Variants in SPATA6L observed in about 807,000 individuals in gnomAD.
SPATA6L encodes spermatogenesis associated 6 like.
SPATA6L carries 68 observed loss-of-function variants against 49.2 expected under a neutral mutation model. The observed-to-expected ratio is 1.38, with a 90% confidence interval of 1.14 to 1.69. The LOEUF is 1.69. Ranked by LOEUF, SPATA6L falls within the 40% of genes most tolerant of loss-of-function variation. The pLI, the probability that SPATA6L is intolerant of heterozygous loss-of-function variation, is 0.00. For synonymous variants in SPATA6L, 198 were observed against 165.7 expected, an observed-to-expected ratio of 1.19 and a Z score of -1.50; for missense variants, 668 against 464.3, an observed-to-expected ratio of 1.44 and a Z score of -4.03.
chr9:4,594,294 C>T (rs1822095028), downstream of SPATA6L, among the ~76,000 whole-genome samples: 4 of 152,238 alleles, frequency 2.6e-5, no homozygotes, highest in Non-Finnish European at 5.9e-5. Flanking sequence ...ACTGCAAGCT[C>T]TGCCTCCCGG....
At chr9:4,602,336 G>C (rs866647079) in intron 11 of SPATA6L, among the ~76,000 whole-genome samples, 40 of 152,180 alleles carry the variant, frequency 2.6e-4, no homozygotes, top group Admixed American at 8.5e-4. Flanking sequence ...GGTAACCAGA[G>C]AGTAAATGGC....
chr9:4,589,150 T>C (rs1244473273), intron 13 of SPATA6L, among the ~76,000 whole-genome samples: 6 of 152,248 alleles, frequency 3.9e-5, no homozygotes, highest in Non-Finnish European at 8.8e-5. Context: ...TGGTTTCCTC[T>C]TCCATGAAAT....
chr9:4,644,477 T>A (rs10815051), intron 3 of SPATA6L, among the ~76,000 whole-genome samples: 127 of 151,948 alleles, frequency 8.4e-4, no homozygotes, highest in African/African-American at 3.0e-3. Context: ...TGTTCTTCTA[T>A]CTACAGAGAA....
intron 3 of SPATA6L, among the ~76,000 whole-genome samples, chr9:4,652,578 G>A (rs569439160): frequency 2.0e-4 from 31 of 151,962 alleles, no homozygotes; most frequent in African/African-American, 6.8e-4. Flanking sequence ...GGCTGGGTAC[G>A]GTGTCTCATA....
chr9:4,643,424 C>G (rs756042123), intron 3 of SPATA6L, among the ~76,000 whole-genome samples: 9 of 152,066 alleles, frequency 5.9e-5, no homozygotes, highest in Non-Finnish European at 1.2e-4. Flanking sequence ...CAGTTTACCC[C>G]AGTTTAAAAG....
At chr9:4,663,492 T>C (rs1156398042) in intron 1 of SPATA6L, 2 of 511,226 alleles carry the variant, frequency 3.9e-6, no homozygotes, top group Non-Finnish European at 7.1e-6. Flanking sequence ...CTCTATTGTA[T>C]ATTTATTCAA....
chr9:4,606,038 GA>G (rs1337790699), intron 9 of SPATA6L, among the ~76,000 whole-genome samples: 3 of 151,158 alleles, frequency 2.0e-5, no homozygotes, highest in Non-Finnish European at 4.4e-5. Context: ...CCGAGTCAAA[GA>G]AAGGGGTGAC....
At chr9:4,628,764 C>CTAAAT in intron 5 of SPATA6L, 1 of 192,344 alleles carries the variant, frequency 5.2e-6, no homozygotes, top group East Asian at 1.5e-4. Flanking sequence ...AAGATGGAAA[C>CTAAAT]TGTTGTTCAT....
At chr9:4,648,934 T>A (rs1836141637) in intron 3 of SPATA6L, among the ~76,000 whole-genome samples, 2 of 152,150 alleles carry the variant, frequency 1.3e-5, no homozygotes. Context: ...ATGTTTGATT[T>A]TCCATTCCTG....
At chr9:4,613,440 G>C (rs1050988178) in intron 9 of SPATA6L, among the ~76,000 whole-genome samples, 2 of 151,792 alleles carry the variant, frequency 1.3e-5, no homozygotes, top group Admixed American at 1.3e-4. Context: ...TGTCCCACTG[G>C]TTTTTCCAGG....
At position 4,600,477 on chromosome 9, in the gene SPATA6L, G is replaced by C. The variant is rs898126268; in HGVS notation, c.*334C>G. ...AATTAATTTGAGAGAGAGAGACAGA[G>C]AGAGCCAGAGAGAGCCAGAGAGAGA... On this transcript the variant is annotated 3_prime_UTR_variant, in exon 12 of 12. Transcript: ENST00000682582. 8 of 145,996 alleles carry C rather than the reference G, an allele frequency of 5.5e-5. No individual in the cohort carries two copies. Among genetic ancestry groups the C allele is most frequent in the Non-Finnish European group, 9.1e-5 (6 of 65,846 alleles). 9.0% of individuals were successfully genotyped at this position (145,996 alleles called of 1,614,324 possible).
In SPATA6L at chr9:4,599,853, T is replaced by A. The variant is rs1229761499; in HGVS notation, c.*958A>T. ...ACAAACATTCACACTATAGTAGGGCTGGTAGAGGAAAATGCTATGCTTACA... is the reference window on the plus strand; with the variant it reads ...ACAAACATTCACACTATAGTAGGGCAGGTAGAGGAAAATGCTATGCTTACA... On this transcript the variant is annotated 3_prime_UTR_variant, in exon 12 of 12. Coordinates refer to ENST00000682582, the MANE Select transcript of SPATA6L (RefSeq NM_001353486.2). Among the ~76,000 whole-genome samples the A allele has an allele frequency of 1.3e-5, 2 of 152,210 alleles. No homozygotes were observed. The highest frequency in any genetic ancestry group is 3.8e-4 in the East Asian group (2 of 5,196).
downstream of SPATA6L, chr9:4,596,433 A>G (rs1822264855): frequency 6.6e-6 from 1 of 152,182 alleles, no homozygotes; most frequent in Non-Finnish European, 1.5e-5. Flanking sequence ...AATAACACCT[A>G]CTGCCACTGC....
Position 4,625,360 on chromosome 9 carries a change from A to G in SPATA6L, c.636T>C (p.Ser212=). 1 of 1,614,018 alleles carries G rather than the reference A, an allele frequency of 6.2e-7. No individual in the cohort carries two copies. Among genetic ancestry groups the G allele is most frequent in the Non-Finnish European group, 8.5e-7 (1 of 1,179,964 alleles). The stretch of plus-strand genomic sequence containing the variant: ...CAACAAATGGAGGCTTGCTTCCTCC[A>G]GAGATTTTGAAATTATTTCCAAGGT... ...QLNLGNNFKI[S]GGSKPPFVVR... The change falls in exon 6 of 12, where the codon TCT becomes TCC. Residue 212 remains serine, a synonymous_variant. Transcript: ENST00000682582.
intron 9 of SPATA6L, among the ~76,000 whole-genome samples, chr9:4,613,134 A>G (rs1365123238): frequency 6.6e-6 from 1 of 152,024 alleles, no homozygotes; most frequent in Non-Finnish European, 1.5e-5. Flanking sequence ...AGGCTGAGGC[A>G]TGAAAATTGC....
rs753737519 is a variant in SPATA6L at position 4,666,202 on chromosome 9, G to C, written c.39+10C>G. The C allele has an allele frequency of 6.2e-7, 1 of 1,614,022 alleles. No individual in the cohort carries two copies. Among genetic ancestry groups the C allele is most frequent in the South Asian group, 1.1e-5 (1 of 91,058 alleles). ...TGAGGTTAAGGAGGGGGAGTTCATC[G>C]ATCTCTTACCGCCCGGATCTGCAGC... On this transcript the variant is annotated intron_variant, in intron 1 of 11. Coordinates refer to ENST00000682582, the MANE Select transcript of SPATA6L (RefSeq NM_001353486.2).
At chr9:4,607,482 C>A (rs1402613228) in intron 9 of SPATA6L, among the ~76,000 whole-genome samples, 1 of 152,100 alleles carries the variant, frequency 6.6e-6, no homozygotes, top group East Asian at 1.9e-4. Flanking sequence ...AGAGTGGGGG[C>A]CAATATTCCA....
chr9:4,619,244 G>A (rs1280627821), intron 7 of SPATA6L, among the ~76,000 whole-genome samples: 6 of 139,486 alleles, frequency 4.3e-5, no homozygotes, highest in African/African-American at 8.2e-5. Flanking sequence ...TGCAATCTCC[G>A]CCTCCCAGGT....
chr9:4,659,543 G>A (rs1360689873), intron 2 of SPATA6L, among the ~76,000 whole-genome samples: 7 of 152,156 alleles, frequency 4.6e-5, no homozygotes, highest in Middle Eastern at 3.4e-3. Flanking sequence ...ACAAACAAAC[G>A]GAAGAAGATT....
Sources: allele counts gnomAD v4.1 joint callset (sites outside exome capture counted in the v4.1 genomes callset), GRCh38; gene constraint gnomAD v4.1.1; transcripts MANE v1.5; gene names NCBI Gene and HGNC (gene_info 2026-07-23, HGNC 2026-07-21).